TBC1D31: variants seen among roughly 807,000 people sequenced by gnomAD.
TBC1D31 encodes the protein WD repeat domain 67.
A neutral mutation model predicts 132.9 loss-of-function variants in TBC1D31; 99 were observed. The ratio of observed to expected loss-of-function variants is 0.74; its 90% CI spans 0.63 to 0.88. TBC1D31 has a LOEUF of 0.88. Among genes scored for constraint, TBC1D31 ranks in the 40% least tolerant of loss-of-function variants. The pLI is 0.00. For synonymous variants in TBC1D31, 385 were observed against 419.4 expected, an observed-to-expected ratio of 0.92 and a Z score of 1.00; for missense variants, 1,134 against 1,256.6, an observed-to-expected ratio of 0.90 and a Z score of 1.48.
rs987410537 is a variant in TBC1D31, at chr8:123,077,247, C to A, written c.214C>A (p.His72Asn). 6.2e-7 allele frequency: 1 copy of A among 1,610,970 alleles called. No homozygotes were observed. Among genetic ancestry groups the A allele is most frequent in the African/African-American group, 1.3e-5 (1 of 74,842 alleles). Reference protein sequence around the residue: ...HQGNIYVFDLHGNRFNLVQRT... With the variant: ...HQGNIYVFDLNGNRFNLVQRT... ...AGGAAATATTTATGTTTTTGACTTA[C>A]ATGGAAACAGGTAAGCAGATACCAT... Residue 72 changes from histidine (H) to asparagine (N), a missense_variant, in exon 2 of 22, where the codon CAT becomes AAT. Transcript: ENST00000287380.
At chr8:123,095,461 CT>C (rs969570758) in intron 5 of TBC1D31, among the ~76,000 whole-genome samples, 7 of 152,154 alleles carry the variant, frequency 4.6e-5, no homozygotes, top group African/African-American at 1.7e-4. Flanking sequence ...ATTTTCCCCT[CT>C]TTTTTCTTAA....
intron 20 of TBC1D31, among the ~76,000 whole-genome samples, chr8:123,146,281 T>A (rs1237607195): frequency 2.6e-5 from 4 of 152,152 alleles, no homozygotes; most frequent in Non-Finnish European, 5.9e-5. Flanking sequence ...AGAGCATTTT[T>A]CAGCACTTCA....
chr8:123,150,243 G>A lies in TBC1D31; in HGVS notation c.3067+115G>A, dbSNP rs568297778. The A allele has an allele frequency of 2.5e-5, 19 of 751,632 alleles. No individual in the cohort carries two copies. The African/African-American group carries it at 2.8e-4, about 11-fold the overall frequency. The allele number at this position is 751,632 out of a possible 1,614,324, so 46.6% of individuals were successfully genotyped here. ...GTGGACGCCATTTTCCCAGGGCACT[G>A]ATAATGGAAATCCTAAAAGGGAGGC... On this transcript the variant is annotated intron_variant, in intron 21 of 21. Transcript: ENST00000287380.
intron 6 of TBC1D31, among the ~76,000 whole-genome samples, chr8:123,100,011 A>G (rs556768098): frequency 1.4e-4 from 22 of 152,170 alleles, no homozygotes; most frequent in Non-Finnish European, 2.4e-4. Flanking sequence ...CAGAGCCGTC[A>G]TGCCCTAATC....
At chr8:123,145,956 C>T (rs1348401230) in intron 20 of TBC1D31, among the ~76,000 whole-genome samples, 2 of 151,408 alleles carry the variant, frequency 1.3e-5, no homozygotes, top group Non-Finnish European at 2.9e-5. Context: ...CTGCAACCTC[C>T]ACCACCCAGG....
chr8:123,161,999 C>G, the TBC1D31 span, among the ~76,000 whole-genome samples: 1 of 115,078 alleles, frequency 8.7e-6, no homozygotes, highest in African/African-American at 3.5e-5. Flanking sequence ...GCCTGGATAA[C>G]AGCGTGAGAG....
chr8:123,082,449 T>G (rs760826084), intron 2 of TBC1D31: 12 of 382,556 alleles, frequency 3.1e-5, no homozygotes, highest in Non-Finnish European at 5.1e-5. Context: ...CATTTGCCAT[T>G]GCTGCCAGGA....
At chr8:123,100,374 G>A (rs1469649631) in intron 6 of TBC1D31, among the ~76,000 whole-genome samples, 18 of 152,050 alleles carry the variant, frequency 1.2e-4, no homozygotes, top group African/African-American at 3.6e-4. Flanking sequence ...TCAGGAGTTC[G>A]AGAGCAGCCT....
At position 123,105,327 on chromosome 8, in the gene TBC1D31, A is replaced by G. The variant is rs1166185741; in HGVS notation, c.1072A>G (p.Lys358Glu). ...PLVKVIEDLP[K>E]NKLSSSDLKM... is the part of the protein sequence containing the mutation. ...AGTGAAAGTTATTGAAGATTTGCCC[A>G]AGAATAAACTGAGTTCCAGTGATCT... Residue 358 changes from lysine to glutamate, a missense_variant, in exon 8 of 22, where the codon AAG (lysine) becomes GAG (glutamate). Coordinates refer to ENST00000287380, the MANE Select transcript of TBC1D31 (RefSeq NM_145647.4). 7.5e-6 allele frequency: 12 copies of G among 1,596,594 alleles called. No homozygotes were observed. In the South Asian group the frequency reaches 1.3e-4, roughly 17 times the overall value.
At chr8:123,110,919 C>T (rs1251548021) in intron 10 of TBC1D31, among the ~76,000 whole-genome samples, 3 of 152,108 alleles carry the variant, frequency 2.0e-5, no homozygotes, top group Non-Finnish European at 4.4e-5. Flanking sequence ...ACTCTGATAC[C>T]TCTTTTTTTC....
At chr8:123,127,543 G>A (rs1224652800) in intron 13 of TBC1D31, among the ~76,000 whole-genome samples, 2 of 152,062 alleles carry the variant, frequency 1.3e-5, no homozygotes, top group African/African-American at 4.8e-5. Context: ...AAAGTGCTGG[G>A]ATTACAGGCA....
chr8:123,135,603 A>G (rs1390456716), intron 17 of TBC1D31, among the ~76,000 whole-genome samples: 1 of 152,230 alleles, frequency 6.6e-6, no homozygotes, highest in South Asian at 2.1e-4. Context: ...TCAAAAAAAA[A>G]GTCATACTTT....
intron 11 of TBC1D31, among the ~76,000 whole-genome samples, chr8:123,124,464 G>A (rs1472617979): frequency 2.0e-5 from 3 of 152,116 alleles, no homozygotes; most frequent in African/African-American, 4.8e-5. Context: ...GCAGGCAGAC[G>A]GTTACTGTAT....
the TBC1D31 span, among the ~76,000 whole-genome samples, chr8:123,161,009 G>T: frequency 6.6e-6 from 1 of 152,138 alleles, no homozygotes; most frequent in African/African-American, 2.4e-5. Context: ...GGGTGGTCAG[G>T]GTCGCCTCCC....
At chr8:123,125,364 C>G (rs781709112) in intron 11 of TBC1D31, among the ~76,000 whole-genome samples, 82 of 152,262 alleles carry the variant, frequency 5.4e-4, no homozygotes, top group Middle Eastern at 6.8e-3. Flanking sequence ...TTTGGACTAA[C>G]TGACTTTCAA....
At chr8:123,101,084 G>A (rs972228818) in intron 7 of TBC1D31, 77 bp downstream of exon 7, 1 of 1,141,906 alleles carries the variant, frequency 8.8e-7, no homozygotes, top group East Asian at 2.6e-5. Flanking sequence ...AAATCTTTAT[G>A]CTACTATTTC....
At chr8:123,155,017 C>G (rs1822951614), downstream of TBC1D31, among the ~76,000 whole-genome samples, 1 of 152,200 alleles carries the variant, frequency 6.6e-6, no homozygotes, top group Admixed American at 6.5e-5. The surrounding 1 kb of genome is among the most constrained non-coding windows in gnomAD (Gnocchi z 4.1). Context: ...TGATTGATAA[C>G]TGCCACGCTT....
intron 1 of TBC1D31, among the ~76,000 whole-genome samples, chr8:123,074,638 G>A (rs1316180255): frequency 1.3e-5 from 2 of 152,214 alleles, no homozygotes; most frequent in Non-Finnish European, 1.5e-5. Flanking sequence ...GAAATGGGTT[G>A]ATTATCCAAA....
intron 20 of TBC1D31, among the ~76,000 whole-genome samples, chr8:123,147,945 G>C: frequency 6.6e-6 from 1 of 151,916 alleles, no homozygotes; most frequent in African/African-American, 2.4e-5. Flanking sequence ...GGCCAATATG[G>C]TGAAACCCCC....
Sources: gnomAD v4.1 joint callset for allele counts (sites outside exome capture counted in the v4.1 genomes callset) on GRCh38, gnomAD v4.1.1 for gene constraint, Gnocchi (gnomAD v3.1) non-coding constraint, MANE v1.5 for transcripts, NCBI Gene and HGNC (gene_info 2026-07-23, HGNC 2026-07-21) for gene names.